Variants in PTPRG observed in about 807,000 individuals in gnomAD.
PTPRG encodes protein tyrosine phosphatase receptor type G.
PTPRG carries 102 observed loss-of-function variants against 165.3 expected under a neutral mutation model. The ratio of observed to expected loss-of-function variants is 0.62; its 90% CI spans 0.53 to 0.73. The LOEUF is 0.73. PTPRG is among the 30% of genes least tolerant of loss of function. PTPRG has a pLI of 0.00. For synonymous variants in PTPRG, 675 were observed against 669.5 expected (o/e 1.01, Z -0.13); for missense variants, 1,866 against 1,861.4 (o/e 1.00, Z -0.05).
intron 8 of PTPRG, among the ~76,000 whole-genome samples, chr3:62,179,830 A>G (rs1705578812): frequency 6.6e-6 from 1 of 152,112 alleles, no homozygotes; most frequent in African/African-American, 2.4e-5. Context: ...ATCCTTACCA[A>G]ATGATCAGTT....
intron 1 of PTPRG, among the ~76,000 whole-genome samples, chr3:61,730,513 G>GTA (rs1166056566): frequency 1.3e-5 from 2 of 152,216 alleles, no homozygotes; most frequent in Non-Finnish European, 2.9e-5. Flanking sequence ...TGCTCAGAAA[G>GTA]TAGTTTGTTA....
chr3:61,643,519 C>A (rs1702120270), intron 1 of PTPRG, among the ~76,000 whole-genome samples: 2 of 152,132 alleles, frequency 1.3e-5, no homozygotes, highest in Non-Finnish European at 2.9e-5. Flanking sequence ...GTGGCTCATG[C>A]CTGTAATGCC....
At chr3:62,163,030 T>C (rs1704829589) in intron 7 of PTPRG, among the ~76,000 whole-genome samples, 1 of 152,108 alleles carries the variant, frequency 6.6e-6, no homozygotes, top group South Asian at 2.1e-4. Context: ...AGGCATGCAT[T>C]ACATGGCTGG....
At chr3:61,818,434 G>C (rs950146168) in intron 2 of PTPRG, among the ~76,000 whole-genome samples, 1 of 152,138 alleles carries the variant, frequency 6.6e-6, no homozygotes, top group South Asian at 2.1e-4. Context: ...GCAAGAGCAA[G>C]TAGAGGAGGA....
intron 2 of PTPRG, among the ~76,000 whole-genome samples, chr3:61,824,079 G>A (rs556399904): frequency 6.6e-6 from 1 of 151,962 alleles, no homozygotes; most frequent in African/African-American, 2.4e-5. Context: ...AGCCAAGATC[G>A]CTCCACTGCA....
chr3:62,227,525 G>A (rs1056334261), intron 13 of PTPRG, among the ~76,000 whole-genome samples: 1 of 152,240 alleles, frequency 6.6e-6, no homozygotes, highest in African/African-American at 2.4e-5. Flanking sequence ...TGTCCCAAGA[G>A]AGGAAACGGT....
At chr3:62,057,533 A>G (rs939165553) in intron 4 of PTPRG, among the ~76,000 whole-genome samples, 5 of 152,220 alleles carry the variant, frequency 3.3e-5, no homozygotes, top group African/African-American at 4.8e-5. Context: ...GCCCCAGGCC[A>G]GTAATGTGGT....
At chr3:61,708,923 A>G (rs1441289240) in intron 1 of PTPRG, among the ~76,000 whole-genome samples, 1 of 152,248 alleles carries the variant, frequency 6.6e-6, no homozygotes, top group Non-Finnish European at 1.5e-5. Flanking sequence ...AAACAGGTTA[A>G]TTTTTAAAAT....
chr3:62,109,309 C>T (rs1356200805), intron 5 of PTPRG, among the ~76,000 whole-genome samples: 1 of 152,110 alleles, frequency 6.6e-6, no homozygotes, highest in Non-Finnish European at 1.5e-5. Context: ...GGAATCTTTT[C>T]CCCATTGCTT....
intron 2 of PTPRG, among the ~76,000 whole-genome samples, chr3:61,798,944 C>T (rs940947133): frequency 2.6e-5 from 4 of 152,030 alleles, no homozygotes; most frequent in African/African-American, 9.7e-5. Flanking sequence ...GCAGAGTTCT[C>T]GTCATTACTA....
chr3:62,218,723 T>A, intron 12 of PTPRG, 128 bp from the exon 13 acceptor site: 1 of 1,228,788 alleles, frequency 8.1e-7, no homozygotes, highest in Non-Finnish European at 1.1e-6. Flanking sequence ...CCTCCTGTCA[T>A]GGGGCAGCTC....
intron 13 of PTPRG, among the ~76,000 whole-genome samples, chr3:62,220,659 C>T (rs1700630113): frequency 6.6e-6 from 1 of 152,128 alleles, no homozygotes; most frequent in East Asian, 1.9e-4. Context: ...CATAGGAACA[C>T]TAGACTCACC....
At chr3:62,234,287 GATGA>G (rs1700973411) in intron 14 of PTPRG, among the ~76,000 whole-genome samples, 1 of 152,160 alleles carries the variant, frequency 6.6e-6, no homozygotes, top group Non-Finnish European at 1.5e-5. Flanking sequence ...ACAATCGTGT[GATGA>G]ATAAGTTTAT....
intron 2 of PTPRG, among the ~76,000 whole-genome samples, chr3:61,763,250 T>C (rs2033911463): frequency 6.6e-6 from 1 of 152,030 alleles, no homozygotes; most frequent in Non-Finnish European, 1.5e-5. Flanking sequence ...AGGTGTTTTT[T>C]TTTTTGAGAC....
At chr3:62,235,475 CT>C (rs1160010099) in intron 14 of PTPRG, among the ~76,000 whole-genome samples, 1 of 152,148 alleles carries the variant, frequency 6.6e-6, no homozygotes, top group East Asian at 1.9e-4. Flanking sequence ...CTGAAGAGAC[CT>C]TTTCTCTCCT....
intron 5 of PTPRG, among the ~76,000 whole-genome samples, chr3:62,094,901 A>G (rs1460848966): frequency 1.3e-5 from 2 of 152,238 alleles, no homozygotes; most frequent in African/African-American, 4.8e-5. Context: ...TTCCCACATC[A>G]GGAAGGCTGC....
rs1350607132 is a variant in PTPRG at position 62,228,175 on chromosome 3, G to A, written c.2289-3050G>A. On this transcript the variant is annotated intron_variant, in intron 13 of 29. Transcript: ENST00000474889. The surrounding 1 kb of genome is among the most constrained non-coding windows in gnomAD (Gnocchi z 4.1). The stretch of plus-strand genomic sequence containing the variant: ...CAGGGTTAGGTGAGAAGGAGAGGGA[G>A]CCAAGAAGGATTTCTCGGAGGAGAG... Among the ~76,000 whole-genome samples, 1 of 152,112 alleles carries A rather than the reference G, an allele frequency of 6.6e-6. No homozygotes were observed. The highest frequency in any genetic ancestry group is 2.4e-5 in the African/African-American group (1 of 41,422).
intron 4 of PTPRG, among the ~76,000 whole-genome samples, chr3:62,027,218 C>G (rs888638772): frequency 6.6e-6 from 1 of 152,144 alleles, no homozygotes; most frequent in African/African-American, 2.4e-5. Flanking sequence ...AAATCACTAA[C>G]TGATAGTGTG....
chr3:61,796,272 G>C (rs529652267), intron 2 of PTPRG, among the ~76,000 whole-genome samples: 1 of 152,328 alleles, frequency 6.6e-6, no homozygotes, highest in Admixed American at 6.5e-5. Flanking sequence ...TAGGTTTCCT[G>C]AGCATCCCCC....
Sources: allele counts gnomAD v4.1 joint callset (sites outside exome capture counted in the v4.1 genomes callset), GRCh38; gene constraint gnomAD v4.1.1; non-coding constraint Gnocchi (gnomAD v3.1); transcripts MANE v1.5; gene names NCBI Gene and HGNC (gene_info 2026-07-23, HGNC 2026-07-21).